Variants in TEKT5 observed in about 807,000 individuals in gnomAD.
TEKT5 encodes tektin 5, also known as tektin-5.
In TEKT5, 52 loss-of-function variants were observed where a neutral mutation model predicts 48.7. That is an observed-to-expected ratio of 1.07 (90% CI 0.86 to 1.35). The LOEUF (loss-of-function observed/expected upper bound fraction) is 1.35. Ranked by LOEUF, TEKT5 falls within the 40% of genes most tolerant of loss-of-function variation. The probability of loss-of-function intolerance (pLI) is 0.00; values close to 1 mark genes in which losing one functional copy is unlikely to be tolerated. For missense variants in TEKT5, 831 were observed against 641.6 expected, an observed-to-expected ratio of 1.30 and a Z score of -3.19; for synonymous variants, 318 against 267.6, an observed-to-expected ratio of 1.19 and a Z score of -1.84.
intron 5 of TEKT5, among the ~76,000 whole-genome samples, chr16:10,643,040 A>G (rs1898017255): frequency 6.6e-6 from 1 of 152,226 alleles, no homozygotes; most frequent in Admixed American, 6.5e-5. Context: ...TGATCACTAC[A>G]CATGGTGTGC....
intron 5 of TEKT5, among the ~76,000 whole-genome samples, chr16:10,637,328 AC>A (rs1897929625): frequency 7.0e-6 from 1 of 143,792 alleles, no homozygotes; most frequent in East Asian, 2.0e-4. Context: ...GAGCCACCAC[AC>A]CCAGCCCGCT....
intron 1 of TEKT5, chr16:10,690,638 T>G: frequency 1.0e-6 from 1 of 985,342 alleles, no homozygotes; most frequent in African/African-American, 1.7e-5. Context: ...GATCTCCCAG[T>G]GGAGGGACAG....
At chr16:10,664,573 C>A (rs573414799) in intron 5 of TEKT5, among the ~76,000 whole-genome samples, 5 of 152,344 alleles carry the variant, frequency 3.3e-5, no homozygotes, top group African/African-American at 1.2e-4. Context: ...TGCTGCAGGC[C>A]AGACCCTGGC....
chr16:10,657,456 G>C (rs573839607), intron 5 of TEKT5, among the ~76,000 whole-genome samples: 1 of 152,174 alleles, frequency 6.6e-6, no homozygotes, highest in Non-Finnish European at 1.5e-5. Context: ...ACTGTATTTA[G>C]GATAGGAATC....
chr16:10,691,606 G>A (rs535839892), intron 1 of TEKT5, among the ~76,000 whole-genome samples: 14 of 152,222 alleles, frequency 9.2e-5, no homozygotes, highest in Admixed American at 3.3e-4. Flanking sequence ...GAGCAATAGC[G>A]GGGACAGGGG....
chr16:10,670,880 T>C (rs1453662144), intron 5 of TEKT5, among the ~76,000 whole-genome samples: 1 of 151,514 alleles, frequency 6.6e-6, no homozygotes, highest in Non-Finnish European at 1.5e-5. Context: ...TTTATTTATG[T>C]ATTTATTTAT....
At chr16:10,691,427 GT>G (rs1898973884) in intron 1 of TEKT5, 1 of 152,502 alleles carries the variant, frequency 6.6e-6, no homozygotes, top group African/African-American at 2.4e-5. Context: ...AACCAGCGGA[GT>G]GGTCAGGGAG....
In TEKT5 at chr16:10,659,472, C is replaced by T. The variant is rs193040845; in HGVS notation, c.1086+16487G>A. On this transcript the variant is annotated intron_variant, in intron 5 of 6. Coordinates refer to ENST00000283025, the MANE Select transcript of TEKT5 (RefSeq NM_144674.2). ...TCGGCTCACTGCAAGCTCTGCCTCCCGAGTTCACACCATTCTCCTGCCTCA... is the reference window on the plus strand; with the variant it reads ...TCGGCTCACTGCAAGCTCTGCCTCCTGAGTTCACACCATTCTCCTGCCTCA... 1.9e-3 allele frequency among the ~76,000 whole-genome samples: 282 copies of T among 152,258 alleles called. 1 individual carries two copies. Among genetic ancestry groups the T allele is most frequent in the African/African-American group, 6.1e-3 (253 of 41,548 alleles).
rs1313012038 is a variant in TEKT5 at position 10,694,511 on chromosome 16, C to T, written c.363G>A (p.Arg121=). ...WASRLTDDSM[R]LLQDKDQLTH... is the part of the protein sequence containing the mutation. ...TCAGCTGGTCCTTGTCCTGCAAGAG[C>T]CTCATGGAGTCATCCGTCAGCCGGC... The change falls in exon 1 of 7, where the codon AGG becomes AGA. Residue 121 remains arginine (R), a synonymous_variant. Transcript: ENST00000283025. The T allele has an allele frequency of 1.2e-6, 2 of 1,611,156 alleles. No individual in the cohort carries two copies. The highest frequency in any genetic ancestry group is 1.7e-6 in the Non-Finnish European group (2 of 1,178,558).
At chr16:10,663,939 C>G (rs1301215020) in intron 5 of TEKT5, among the ~76,000 whole-genome samples, 1 of 152,220 alleles carries the variant, frequency 6.6e-6, no homozygotes, top group Non-Finnish European at 1.5e-5. Flanking sequence ...CAGGCCAGCA[C>G]ATGCATCAGC....
chr16:10,683,526 C>T (rs952966620), intron 3 of TEKT5, among the ~76,000 whole-genome samples: 4 of 152,190 alleles, frequency 2.6e-5, no homozygotes, highest in Non-Finnish European at 4.4e-5. Context: ...ATCACTTCCA[C>T]GATTCTTGCC....
At chr16:10,653,371 C>T (rs112350871) in intron 5 of TEKT5, among the ~76,000 whole-genome samples, 96 of 152,318 alleles carry the variant, frequency 6.3e-4, no homozygotes, top group Middle Eastern at 3.4e-3. Context: ...GGAGATGAGG[C>T]AAGACTGGGG....
chr16:10,648,938 C>A (rs1898111880), intron 5 of TEKT5, among the ~76,000 whole-genome samples: 1 of 152,134 alleles, frequency 6.6e-6, no homozygotes, highest in East Asian at 1.9e-4. Context: ...TGAAGTTTCT[C>A]TTTTATTTTC....
At chr16:10,642,600 G>T (rs1196752266) in intron 5 of TEKT5, among the ~76,000 whole-genome samples, 1 of 152,132 alleles carries the variant, frequency 6.6e-6, no homozygotes, top group Non-Finnish European at 1.5e-5. Flanking sequence ...CTTTCTGATG[G>T]TGATCATCTG....
chr16:10,657,863 G>C (rs1898289546), intron 5 of TEKT5, among the ~76,000 whole-genome samples: 1 of 151,030 alleles, frequency 6.6e-6, no homozygotes, highest in Non-Finnish European at 1.5e-5. Context: ...GCCTCCCAAA[G>C]TGCCGGGATT....
intron 6 of TEKT5, among the ~76,000 whole-genome samples, chr16:10,634,872 C>T (rs145888992): frequency 6.6e-6 from 1 of 152,256 alleles, no homozygotes; most frequent in Non-Finnish European, 1.5e-5. Flanking sequence ...TGAGATAAGA[C>T]CACAGCCCCA....
At chr16:10,646,108 C>T (rs1898065630) in intron 5 of TEKT5, among the ~76,000 whole-genome samples, 1 of 151,478 alleles carries the variant, frequency 6.6e-6, no homozygotes, top group South Asian at 2.1e-4. Context: ...GCATTCTAGC[C>T]TGGCCAACAG....
intron 5 of TEKT5, among the ~76,000 whole-genome samples, chr16:10,659,843 TG>T (rs1292260856): frequency 6.6e-6 from 1 of 152,200 alleles, no homozygotes; most frequent in African/African-American, 2.4e-5. Flanking sequence ...CACAGGGTTT[TG>T]TTTTGGGGTG....
At chr16:10,648,544 C>T (rs2142271395) in intron 5 of TEKT5, among the ~76,000 whole-genome samples, 1 of 152,308 alleles carries the variant, frequency 6.6e-6, no homozygotes, top group South Asian at 2.1e-4. Flanking sequence ...GTTGGCCAGG[C>T]TGGTCTCGAA....
Sources: gnomAD v4.1 joint callset for allele counts (sites outside exome capture counted in the v4.1 genomes callset) on GRCh38, gnomAD v4.1.1 for gene constraint, MANE v1.5 for transcripts, NCBI Gene and HGNC (gene_info 2026-07-23, HGNC 2026-07-21) for gene names.